Variants in WWOX observed in about 807,000 individuals in gnomAD.
WWOX encodes WW domain containing oxidoreductase, also known as WW domain-containing oxidoreductase.
In WWOX, 69 loss-of-function variants were observed where a neutral mutation model predicts 46.2. The observed-to-expected ratio is 1.49, with a 90% CI of 1.23 to 1.82. The LOEUF is 1.82. WWOX is among the 40% of genes most tolerant of loss of function. WWOX has a pLI of 0.00. For synonymous variants in WWOX, 359 were observed against 202.6 expected (o/e 1.77, Z -6.56); for missense variants, 919 against 542.6 (o/e 1.69, Z -6.89).
At chr16:78,472,361 A>G (rs922268102) in intron 8 of WWOX, among the ~76,000 whole-genome samples, 2 of 152,226 alleles carry the variant, frequency 1.3e-5, no homozygotes, top group African/African-American at 2.4e-5. Flanking sequence ...TCATTTTTAA[A>G]TAATGAAAAA....
At chr16:78,250,196 C>G (rs953395244) in intron 5 of WWOX, among the ~76,000 whole-genome samples, 2 of 152,168 alleles carry the variant, frequency 1.3e-5, no homozygotes, top group African/African-American at 4.8e-5. Context: ...AATGAGAAAA[C>G]ACACACAGAT....
chr16:78,704,967 T>C (rs987062320), intron 8 of WWOX, among the ~76,000 whole-genome samples: 1 of 151,320 alleles, frequency 6.6e-6, no homozygotes, highest in Non-Finnish European at 1.5e-5. Context: ...CCAGCGACAG[T>C]CTTGGTTTTC....
intron 6 of WWOX, among the ~76,000 whole-genome samples, chr16:78,388,810 A>G (rs1360468533): frequency 6.6e-6 from 1 of 151,766 alleles, no homozygotes; most frequent in East Asian, 2.0e-4. Flanking sequence ...TCTCTACTAA[A>G]AATGCAAAAT....
chr16:78,672,517 G>C (rs2047491565), intron 8 of WWOX, among the ~76,000 whole-genome samples: 1 of 152,184 alleles, frequency 6.6e-6, no homozygotes, highest in South Asian at 2.1e-4. Flanking sequence ...GGGTAGCCAG[G>C]TCATTAGGCC....
At chr16:78,561,271 T>A (rs903436452) in intron 8 of WWOX, among the ~76,000 whole-genome samples, 1 of 152,208 alleles carries the variant, frequency 6.6e-6, no homozygotes, top group Admixed American at 6.5e-5. Context: ...TCTCTGACTT[T>A]CCTTGACTTT....
At chr16:78,531,751 G>A (rs569773535) in intron 8 of WWOX, among the ~76,000 whole-genome samples, 33 of 152,106 alleles carry the variant, frequency 2.2e-4, no homozygotes, top group Non-Finnish European at 4.1e-4. Flanking sequence ...CCAGCTACTT[G>A]GGAGGCTGAG....
rs74031924 is a variant in WWOX, at chr16:78,810,225, C to T, written c.1056+377473C>T. 2.2e-3 allele frequency among the ~76,000 whole-genome samples: 338 copies of T among 152,280 alleles called. 1 individual carries two copies. Among genetic ancestry groups the T allele is most frequent in the African/African-American group, 7.0e-3 (290 of 41,562 alleles). On this transcript the variant is annotated intron_variant, in intron 8 of 8. Transcript: ENST00000566780. ...CAAAACTACACTGAAAATTTCAAAA[C>T]ATTTCTATCAGAACACAGTCTTATT...
intron 8 of WWOX, among the ~76,000 whole-genome samples, chr16:79,098,002 C>T (rs1797564474): frequency 6.6e-6 from 1 of 152,104 alleles, no homozygotes; most frequent in Admixed American, 6.6e-5. Flanking sequence ...CCCAGTGGCC[C>T]CAAAGCATTA....
chr16:78,574,349 G>A (rs1216609335), intron 8 of WWOX, among the ~76,000 whole-genome samples: 1 of 152,200 alleles, frequency 6.6e-6, no homozygotes, highest in Non-Finnish European at 1.5e-5. Flanking sequence ...CTGCACAATG[G>A]TGTGAATACC....
chr16:78,860,020 G>T (rs1488131233), intron 8 of WWOX, among the ~76,000 whole-genome samples: 1 of 152,052 alleles, frequency 6.6e-6, no homozygotes, highest in South Asian at 2.1e-4. Context: ...GCATTTTCAC[G>T]AGTAAACTTT....
At chr16:79,157,637 T>A in intron 8 of WWOX, among the ~76,000 whole-genome samples, 1 of 152,302 alleles carries the variant, frequency 6.6e-6, no homozygotes, top group East Asian at 1.9e-4. Flanking sequence ...TATTTAGGTA[T>A]GCTAAGACCA....
At chr16:78,612,658 A>G (rs899680513) in intron 8 of WWOX, among the ~76,000 whole-genome samples, 1 of 152,122 alleles carries the variant, frequency 6.6e-6, no homozygotes, top group African/African-American at 2.4e-5. Flanking sequence ...TAGTTTCTGT[A>G]GAGACAGAGA....
intron 8 of WWOX, among the ~76,000 whole-genome samples, chr16:78,846,987 G>A (rs2052314857): frequency 1.3e-5 from 2 of 152,226 alleles, no homozygotes; most frequent in South Asian, 2.1e-4. Context: ...TGCTCAAATT[G>A]TTCCGGCTTT....
intron 8 of WWOX, among the ~76,000 whole-genome samples, chr16:78,756,627 G>T (rs2049655437): frequency 6.6e-6 from 1 of 152,172 alleles, no homozygotes; most frequent in Non-Finnish European, 1.5e-5. Flanking sequence ...TACTGATTGG[G>T]TAAATTCTAG....
intron 5 of WWOX, among the ~76,000 whole-genome samples, chr16:78,273,542 G>C (rs1597432349): frequency 6.6e-6 from 1 of 152,212 alleles, no homozygotes; most frequent in Non-Finnish European, 1.5e-5. Flanking sequence ...CGAATGGTCA[G>C]ATTTGCCTTT....
intron 8 of WWOX, among the ~76,000 whole-genome samples, chr16:78,585,926 G>C (rs1411255567): frequency 6.6e-6 from 1 of 151,914 alleles, no homozygotes; most frequent in African/African-American, 2.4e-5. Context: ...GATCAGCGTG[G>C]TGGCTCGTTT....
intron 8 of WWOX, among the ~76,000 whole-genome samples, chr16:78,506,952 G>A (rs2085223344): frequency 6.6e-6 from 1 of 152,080 alleles, no homozygotes; most frequent in African/African-American, 2.4e-5. Flanking sequence ...GACCTCAAGT[G>A]ATCCTCCCAC....
At chr16:78,759,997 C>A (rs2049751296) in intron 8 of WWOX, among the ~76,000 whole-genome samples, 1 of 152,144 alleles carries the variant, frequency 6.6e-6, no homozygotes, top group Non-Finnish European at 1.5e-5. Context: ...CTTTTAATTG[C>A]ATTAGGCCCA....
intron 8 of WWOX, among the ~76,000 whole-genome samples, chr16:78,549,801 C>T (rs1298791702): frequency 6.6e-6 from 1 of 152,062 alleles, no homozygotes; most frequent in African/African-American, 2.4e-5. Context: ...TCTGAGATAT[C>T]CAAATACCTG....
Sources: gnomAD v4.1 joint callset for allele counts (sites outside exome capture counted in the v4.1 genomes callset) on GRCh38, gnomAD v4.1.1 for gene constraint, MANE v1.5 for transcripts, NCBI Gene and HGNC (gene_info 2026-07-23, HGNC 2026-07-21) for gene names.